Variants in UBE4B observed in about 807,000 individuals in gnomAD.
UBE4B encodes ubiquitination factor E4B.
Under a neutral mutation model 148.1 loss-of-function variants are expected in UBE4B, and 27 were observed. The ratio of observed to expected loss-of-function variants is 0.18; its 90% confidence interval spans 0.13 to 0.25. The LOEUF is 0.25. Ranked by LOEUF, UBE4B falls within the 10% of genes least tolerant of loss-of-function variation. The pLI, the probability that UBE4B is intolerant of heterozygous loss-of-function variation, is 1.00. For missense variants in UBE4B, 1,170 were observed against 1,662.4 expected (o/e 0.70, Z 5.15); for synonymous variants, 596 against 619.3 (o/e 0.96, Z 0.56).
intron 1 of UBE4B, among the ~76,000 whole-genome samples, chr1:10,063,367 A>G (rs1265582818): frequency 2.0e-5 from 3 of 152,210 alleles, no homozygotes; most frequent in African/African-American, 7.2e-5. Context: ...ATCATAACCC[A>G]TCTTCTTAAA....
chr1:10,098,192 TAATATA>T (rs1041177459), intron 3 of UBE4B, among the ~76,000 whole-genome samples: 1 of 152,078 alleles, frequency 6.6e-6, no homozygotes, highest in Non-Finnish European at 1.5e-5. Context: ...TAATACAATA[TAATATA>T]AATATAGTAT....
At position 10,105,742 on chromosome 1, in the gene UBE4B, T is replaced by G. The variant is rs1557557225; in HGVS notation, c.807T>G (p.Ser269=). The change falls in exon 6 of 28, where the codon TCT becomes TCG. Residue 269 remains serine (S), a splice_region_variant and synonymous_variant. Coordinates refer to ENST00000343090, the MANE Select transcript of UBE4B (RefSeq NM_001105562.3). ...CTTCCTTTGGTGCCAGCTCTTTGTC[T>G]AGGTCAGTGTGGTTCTCTTTGCACA... ...SVASFGASSL[S]SLYESSPAPT... 6.2e-7 allele frequency: 1 copy of G among 1,613,352 alleles called. No individual in the cohort carries two copies. Among genetic ancestry groups the G allele is most frequent in the East Asian group, 2.2e-5 (1 of 44,886 alleles).
At chr1:10,130,692 G>T (rs1201691042) in intron 13 of UBE4B, 23 bp from the exon 14 acceptor site, 1 of 1,613,304 alleles carries the variant, frequency 6.2e-7, no homozygotes, top group Non-Finnish European at 8.5e-7. Flanking sequence ...TATGTTGACT[G>T]CATTTTTTCC....
Position 10,106,520 on chromosome 1 carries a change from C to G in UBE4B, c.1133C>G (p.Pro378Arg). ...CAGAGGCCCAGCAGCACGGGTCCAC[C>G]CCTACCACCCGCCTCACCCAGTGCC... ...SRQRPSSTGP[P>R]LPPASPSATS... Residue 378 changes from proline to arginine, a missense_variant, in exon 7 of 28, where the codon CCC (proline) becomes CGC (arginine). Physicochemically the swap from Pro to Arg is moderately radical, Grantham distance 103. Transcript: ENST00000343090. This position sits in a 1 kb window ranked among gnomAD's most constrained non-coding sequence, Gnocchi z 4.2. 1 of 1,609,180 alleles carries G rather than the reference C, an allele frequency of 6.2e-7. No homozygotes were observed.
chr1:10,147,499 A>G (rs780497636), intron 19 of UBE4B, among the ~76,000 whole-genome samples: 3 of 151,944 alleles, frequency 2.0e-5, no homozygotes, highest in Non-Finnish European at 4.4e-5. Flanking sequence ...TCCCCACCCA[A>G]AAAAAAAGAT....
chr1:10,132,588 T>A, intron 15 of UBE4B, 106 bp downstream of exon 15: 1 of 891,070 alleles, frequency 1.1e-6, no homozygotes, highest in East Asian at 2.6e-5. Flanking sequence ...GGTACAGTAT[T>A]GAACAAGGTA....
chr1:10,151,295 T>C, intron 20 of UBE4B, 31 bp from the exon 21 acceptor site: 2 of 1,601,294 alleles, frequency 1.2e-6, no homozygotes, highest in Non-Finnish European at 1.7e-6. Context: ...TTCTCAGCGG[T>C]CTCTTTCTTG....
In UBE4B at chr1:10,081,835, C is replaced by T. The variant is rs549127565; in HGVS notation, c.211+9621C>T. ...AACTCCTGACCTCAGGTGGGCTGCCCGCTTCGGCCTCCCAAAGTGCTGGGA... is the reference window on the plus strand; with the variant it reads ...AACTCCTGACCTCAGGTGGGCTGCCTGCTTCGGCCTCCCAAAGTGCTGGGA... On this transcript the variant is annotated intron_variant, in intron 2 of 27. Transcript: ENST00000343090. 8.5e-4 allele frequency among the ~76,000 whole-genome samples: 130 copies of T among 152,146 alleles called. 1 individual carries two copies. The highest frequency in any genetic ancestry group is 6.6e-3 in the South Asian group (32 of 4,816).
chr1:10,096,522 A>G (rs1435382954), intron 3 of UBE4B, among the ~76,000 whole-genome samples: 9 of 152,164 alleles, frequency 5.9e-5, no homozygotes, highest in Non-Finnish European at 1.5e-5. Context: ...ACTTGAGGTC[A>G]GAAGTTCAAG....
chr1:10,147,881 G>T (rs1645900286), intron 19 of UBE4B, among the ~76,000 whole-genome samples: 2 of 152,136 alleles, frequency 1.3e-5, no homozygotes, highest in Admixed American at 6.6e-5. Flanking sequence ...CTGGTTCACT[G>T]ATGTTGGTGA....
intron 11 of UBE4B, among the ~76,000 whole-genome samples, chr1:10,128,068 T>C (rs1046686916): frequency 1.3e-5 from 2 of 152,222 alleles, no homozygotes; most frequent in Admixed American, 1.3e-4. Flanking sequence ...CCTTATGTAT[T>C]GTTCTCCCTG....
At chr1:10,164,961 T>C (rs1011019572) in intron 23 of UBE4B, among the ~76,000 whole-genome samples, 1 of 152,100 alleles carries the variant, frequency 6.6e-6, no homozygotes, top group African/African-American at 2.4e-5. Context: ...GTCAGGGATG[T>C]ACCCTCCTAC....
rs955583800 is a variant in UBE4B, at chr1:10,087,133, C to T, written c.212-8328C>T. Among the ~76,000 whole-genome samples, 8 of 152,104 alleles carry T rather than the reference C, an allele frequency of 5.3e-5. No homozygotes were observed. The East Asian group carries it at 1.3e-3, about 26-fold the overall frequency. Reference sequence around the variant, plus strand: ...GGTGTATCTATAGAACTTGTAAACACGTTCACATTGGTTTTTTTCATTGGC... The same window carrying T: ...GGTGTATCTATAGAACTTGTAAACATGTTCACATTGGTTTTTTTCATTGGC... On this transcript the variant is annotated intron_variant, in intron 2 of 27. Coordinates refer to ENST00000343090, the MANE Select transcript of UBE4B (RefSeq NM_001105562.3).
rs115776359 is a variant in UBE4B at position 10,170,730 on chromosome 1, A to T, written c.3334-408A>T. On this transcript the variant is annotated intron_variant, in intron 24 of 27. Transcript: ENST00000343090. ...GGCTTTTAACATTTATGGGGAAAAA[A>T]GTTTATGAAATACTGGCTGGAAGAG... Among the ~76,000 whole-genome samples, 1,309 of 152,338 alleles carry T rather than the reference A, an allele frequency of 8.6e-3. 17 individuals are homozygous for T. Among genetic ancestry groups the T allele is most frequent in the African/African-American group, 0.03 (1,236 of 41,584 alleles).
chr1:10,127,159 C>T (rs1376087294), intron 11 of UBE4B, among the ~76,000 whole-genome samples: 1 of 151,874 alleles, frequency 6.6e-6, no homozygotes, highest in Non-Finnish European at 1.5e-5. Context: ...TAACTTATCT[C>T]CTAGCAATGA....
intron 17 of UBE4B, among the ~76,000 whole-genome samples, chr1:10,140,636 A>G (rs889969776): frequency 2.0e-5 from 3 of 152,202 alleles, no homozygotes; most frequent in African/African-American, 7.2e-5. Flanking sequence ...GTCCATTTCA[A>G]TGGAACCATC....
intron 1 of UBE4B, among the ~76,000 whole-genome samples, chr1:10,036,637 T>G (rs1643546597): frequency 6.6e-6 from 1 of 152,090 alleles, no homozygotes; most frequent in Non-Finnish European, 1.5e-5. Context: ...AAAAATATCT[T>G]TGAAGTTTTT....
At chr1:10,142,039 C>T (rs1645790701) in intron 17 of UBE4B, among the ~76,000 whole-genome samples, 2 of 138,444 alleles carry the variant, frequency 1.4e-5, no homozygotes, top group Non-Finnish European at 3.0e-5. Flanking sequence ...AATCTGAAGC[C>T]TGTCATTTTT....
At chr1:10,116,237 C>T (rs756419977) in intron 7 of UBE4B, among the ~76,000 whole-genome samples, 20 of 152,060 alleles carry the variant, frequency 1.3e-4, no homozygotes, top group Admixed American at 8.5e-4. Context: ...CCTCCTCCCA[C>T]GGTCAAGTGA....
Sources: allele counts gnomAD v4.1 joint callset (sites outside exome capture counted in the v4.1 genomes callset), GRCh38; gene constraint gnomAD v4.1.1; non-coding constraint Gnocchi (gnomAD v3.1); transcripts MANE v1.5; gene names NCBI Gene and HGNC (gene_info 2026-07-23, HGNC 2026-07-21).